Variants in GALNT13 observed in about 807,000 individuals in gnomAD.
The protein encoded by GALNT13 is polypeptide N-acetylgalactosaminyltransferase 13.
Under a neutral mutation model 64.2 loss-of-function variants are expected in GALNT13, and 28 were observed. The observed-to-expected ratio is 0.44, with a 90% CI of 0.32 to 0.60. The LOEUF (loss-of-function observed/expected upper bound fraction) is 0.60, where lower values mean the gene tolerates loss of function less well. GALNT13 is among the 20% of genes least tolerant of loss of function. The pLI is 0.05. For synonymous variants in GALNT13, 214 were observed against 224.6 expected (o/e 0.95, Z 0.42); for missense variants, 577 against 669.8 (o/e 0.86, Z 1.53).
chr2:154,292,555 C>T (rs1004187209), intron 8 of GALNT13, among the ~76,000 whole-genome samples: 4 of 152,156 alleles, frequency 2.6e-5, no homozygotes, highest in African/African-American at 9.7e-5. Flanking sequence ...ATTTTATTAT[C>T]TGAGACCCAA....
chr2:154,087,149 A>G (rs1411806970), intron 3 of GALNT13, among the ~76,000 whole-genome samples: 1 of 152,072 alleles, frequency 6.6e-6, no homozygotes, highest in Non-Finnish European at 1.5e-5. Flanking sequence ...AATGTTACGT[A>G]TAACATATTT....
chr2:154,434,263 G>C (rs765595457), intron 11 of GALNT13, among the ~76,000 whole-genome samples: 4 of 152,224 alleles, frequency 2.6e-5, no homozygotes, highest in South Asian at 4.1e-4. Context: ...TAGTTTGTTG[G>C]TTTGTTTGTT....
At chr2:154,100,522 A>G (rs1045500526) in intron 3 of GALNT13, among the ~76,000 whole-genome samples, 2 of 152,086 alleles carry the variant, frequency 1.3e-5, no homozygotes, top group Non-Finnish European at 2.9e-5. Context: ...TTATTAGTGT[A>G]CAGAAATGCT....
At chr2:153,833,753 T>C in the GALNT13 span, among the ~76,000 whole-genome samples, 5 of 152,102 alleles carry the variant, frequency 3.3e-5, no homozygotes, top group Non-Finnish European at 2.9e-5. Context: ...GGGTCATAGA[T>C]TGAATATTGC....
At chr2:153,506,552 A>G in the GALNT13 span, among the ~76,000 whole-genome samples, 6 of 151,986 alleles carry the variant, frequency 3.9e-5, no homozygotes, top group East Asian at 9.7e-4. Flanking sequence ...GAATTCTCTC[A>G]GCATTTGTTT....
chr2:154,397,106 G>A (rs981127404), intron 10 of GALNT13, among the ~76,000 whole-genome samples: 47 of 152,012 alleles, frequency 3.1e-4, no homozygotes, highest in African/African-American at 1.1e-3. Context: ...AGGAATCAAA[G>A]CTACCTTAAT....
At chr2:153,186,031 G>GTGATC in the GALNT13 span, among the ~76,000 whole-genome samples, 3 of 151,956 alleles carry the variant, frequency 2.0e-5, no homozygotes, top group Admixed American at 2.0e-4. Context: ...TTCTGTCTCG[G>GTGATC]TGATCTGTCT....
the GALNT13 span, among the ~76,000 whole-genome samples, chr2:153,165,544 G>A: frequency 2.0e-5 from 3 of 152,156 alleles, no homozygotes; most frequent in African/African-American, 7.2e-5. Context: ...TATCTTTTTA[G>A]TAAGCAAACA....
chr2:153,184,801 T>A, the GALNT13 span, among the ~76,000 whole-genome samples: 1 of 152,174 alleles, frequency 6.6e-6, no homozygotes, highest in Non-Finnish European at 1.5e-5. Flanking sequence ...CCTTGCATCC[T>A]GGGGATGAAG....
At position 154,242,685 on chromosome 2, in the gene GALNT13, A is replaced by G. The variant is rs368498154; in HGVS notation, c.479-13A>G. The G allele has an allele frequency of 5.0e-5, 79 of 1,574,134 alleles. No individual in the cohort carries two copies. The Middle Eastern group carries it at 3.8e-3, about 75-fold the overall frequency. On this transcript the variant is annotated splice_polypyrimidine_tract_variant and intron_variant, in intron 5 of 12. Coordinates refer to ENST00000392825, the MANE Select transcript of GALNT13 (RefSeq NM_052917.4). ...TCAAAAATTTTTCTTATAAATTCTT[A>G]TACATGTTACAGATTTTCTCAAGTT...
intron 3 of GALNT13, among the ~76,000 whole-genome samples, chr2:153,951,038 T>C (rs1692141617): frequency 1.3e-5 from 2 of 151,938 alleles, no homozygotes; most frequent in Middle Eastern, 3.4e-3. Context: ...TATAGAAAAA[T>C]ACAACAAAAC....
the GALNT13 span, among the ~76,000 whole-genome samples, chr2:153,145,818 G>A: frequency 2.0e-5 from 3 of 151,846 alleles, no homozygotes; most frequent in African/African-American, 7.2e-5. Context: ...TAGTGAATGA[G>A]GATCCATGGA....
At chr2:154,420,971 T>G (rs1700223437) in intron 11 of GALNT13, among the ~76,000 whole-genome samples, 2 of 152,144 alleles carry the variant, frequency 1.3e-5, no homozygotes, top group African/African-American at 4.8e-5. Flanking sequence ...TTGTTACAGT[T>G]TTGGAATAAA....
chr2:153,321,087 C>T, the GALNT13 span, among the ~76,000 whole-genome samples: 11 of 152,236 alleles, frequency 7.2e-5, no homozygotes, highest in African/African-American at 2.2e-4. Flanking sequence ...TGTTCCTGGA[C>T]ATCAATACAA....
At position 153,944,446 on chromosome 2, in the gene GALNT13, C is replaced by T. The variant is rs547525038; in HGVS notation, c.-52C>T. On this transcript the variant is annotated 5_prime_UTR_variant, in exon 3 of 13. Coordinates refer to ENST00000392825, the MANE Select transcript of GALNT13 (RefSeq NM_052917.4). The stretch of plus-strand genomic sequence containing the variant: ...GTTCACCTGTGTGGCTTGGATTTAT[C>T]ACAGTAGCATTTGTCTTCAATCTGT... 1.8e-5 allele frequency: 28 copies of T among 1,560,430 alleles called. No individual in the cohort carries two copies. The South Asian group carries it at 3.1e-4, about 17-fold the overall frequency.
At chr2:153,713,416 A>G in the GALNT13 span, among the ~76,000 whole-genome samples, 3 of 152,172 alleles carry the variant, frequency 2.0e-5, no homozygotes, top group East Asian at 5.8e-4. Context: ...TGTCTCTTAC[A>G]TTATGATTTT....
chr2:153,747,432 T>G, the GALNT13 span, among the ~76,000 whole-genome samples: 11 of 142,364 alleles, frequency 7.7e-5, no homozygotes, highest in Admixed American at 7.7e-4. Flanking sequence ...GTTTTTTTTT[T>G]TTTTTTTTTT....
chr2:154,422,201 G>A (rs1192386387), intron 11 of GALNT13, among the ~76,000 whole-genome samples: 1 of 152,138 alleles, frequency 6.6e-6, no homozygotes, highest in Non-Finnish European at 1.5e-5. Context: ...GACTACAAAG[G>A]TTGTCAAAGG....
intron 11 of GALNT13, among the ~76,000 whole-genome samples, chr2:154,415,453 G>A (rs140856694): frequency 9.2e-5 from 14 of 152,168 alleles, no homozygotes; most frequent in Non-Finnish European, 1.9e-4. Context: ...TAGAAAGCAC[G>A]TGGAAACATT....
Sources: gnomAD v4.1 joint callset for allele counts (sites outside exome capture counted in the v4.1 genomes callset) on GRCh38, gnomAD v4.1.1 for gene constraint, MANE v1.5 for transcripts, NCBI Gene and HGNC (gene_info 2026-07-23, HGNC 2026-07-21) for gene names.